The following BCAS3 variants were observed in gnomAD, a reference collection of about 807,000 sequenced individuals.
BCAS3 encodes BCAS3 microtubule associated cell migration factor, also known as BCAS4/BCAS3 fusion.
In BCAS3, 53 loss-of-function variants were observed where a neutral mutation model predicts 116.1. That is an observed-to-expected ratio of 0.46 (90% CI 0.37 to 0.57). The LOEUF is 0.57. Ranked by LOEUF, BCAS3 falls within the 20% of genes least tolerant of loss-of-function variation. BCAS3 has a pLI of 0.00. For synonymous variants in BCAS3, 391 were observed against 408.2 expected, an observed-to-expected ratio of 0.96 and a Z score of 0.51; for missense variants, 917 against 1,165.4, an observed-to-expected ratio of 0.79 and a Z score of 3.10.
Position 61,380,623 on chromosome 17 carries a change from T to C in BCAS3, c.2594-11354T>C. 6.4e-7 allele frequency: 1 copy of C among 1,554,926 alleles called. No individual in the cohort carries two copies. The highest frequency in any genetic ancestry group is 1.7e-5 in the Admixed American group (1 of 59,012). On this transcript the variant is annotated intron_variant, in intron 23 of 23. Coordinates refer to ENST00000407086, the MANE Select transcript of BCAS3 (RefSeq NM_017679.5). This position sits in a 1 kb window ranked among gnomAD's most constrained non-coding sequence, Gnocchi z 4.2. ...GTGGAAGGGGTTGTCCCGTTGCTTC[T>C]TTTGTCCCTCAAGAGGGTGCCCTCC... is the stretch of plus-strand genomic sequence containing the variant.
chr17:61,068,001 T>C lies in BCAS3; in HGVS notation c.2030-6919T>C, dbSNP rs966710804. On this transcript the variant is annotated intron_variant, in intron 19 of 23. Coordinates refer to ENST00000407086, the MANE Select transcript of BCAS3 (RefSeq NM_017679.5). The surrounding 1 kb of genome is among the most constrained non-coding windows in gnomAD (Gnocchi z 4.3). ...TGTATTCTCTAAAGTAAATTGATAG[T>C]ATTCCCTATTCAGTATTTTCCTTTT... 7.2e-5 allele frequency among the ~76,000 whole-genome samples: 11 copies of C among 152,174 alleles called. No individual in the cohort carries two copies. Among genetic ancestry groups the C allele is most frequent in the African/African-American group, 2.7e-4 (11 of 41,464 alleles).
intron 8 of BCAS3, among the ~76,000 whole-genome samples, chr17:60,873,167 G>C (rs1001810101): frequency 6.6e-6 from 1 of 151,768 alleles, no homozygotes. Flanking sequence ...TGTGTATTCA[G>C]AGTACACATA....
intron 6 of BCAS3, among the ~76,000 whole-genome samples, chr17:60,779,328 C>G (rs2045582367): frequency 1.3e-5 from 2 of 151,804 alleles, no homozygotes; most frequent in Middle Eastern, 3.5e-3. Context: ...TACCTTCAGG[C>G]TATATGTGTA....
At chr17:61,318,310 CTT>C (rs2054914074) in intron 22 of BCAS3, among the ~76,000 whole-genome samples, 1 of 152,230 alleles carries the variant, frequency 6.6e-6, no homozygotes, top group African/African-American at 2.4e-5. Context: ...AATTAACTGA[CTT>C]TTCTCAGTTG....
chr17:60,857,291 T>C (rs897108263), intron 7 of BCAS3, among the ~76,000 whole-genome samples: 1 of 152,220 alleles, frequency 6.6e-6, no homozygotes, highest in African/African-American at 2.4e-5. Context: ...GCCTCTGATA[T>C]TTGCTTACAG....
intron 22 of BCAS3, among the ~76,000 whole-genome samples, chr17:61,194,740 C>CA (rs35551914): frequency 0.74 from 90,289 of 122,702 alleles, 32,781 homozygotes; most frequent in South Asian, 0.83. Flanking sequence ...GACTCTGTCT[C>CA]AAAAAAAAAA....
chr17:60,705,747 C>G lies in BCAS3; in HGVS notation c.215-3472C>G, dbSNP rs368296955. Among the ~76,000 whole-genome samples, 3 of 152,246 alleles carry G rather than the reference C, an allele frequency of 2.0e-5. No individual in the cohort carries two copies. The South Asian group carries it at 6.2e-4, about 32-fold the overall frequency. On this transcript the variant is annotated intron_variant, in intron 4 of 23. Coordinates refer to ENST00000407086, the MANE Select transcript of BCAS3 (RefSeq NM_017679.5). Reference sequence around the variant, plus strand: ...TGCCAGAAGACTGATGTTAGACAGTCTGCCAGAAAGCTTCCAATTATTTAA... The same window carrying G: ...TGCCAGAAGACTGATGTTAGACAGTGTGCCAGAAAGCTTCCAATTATTTAA...
chr17:60,770,834 G>GC (rs1568213393), intron 6 of BCAS3, among the ~76,000 whole-genome samples: 1 of 76,728 alleles, frequency 1.3e-5, no homozygotes, highest in Non-Finnish European at 3.3e-5. Flanking sequence ...ACTGAAATTT[G>GC]TTTTTTTTTT....
At chr17:60,705,866 A>T (rs553629737) in intron 4 of BCAS3, among the ~76,000 whole-genome samples, 1 of 152,290 alleles carries the variant, frequency 6.6e-6, no homozygotes, top group African/African-American at 2.4e-5. Context: ...ACTGTATAGA[A>T]ACATTTTTAG....
intron 7 of BCAS3, among the ~76,000 whole-genome samples, chr17:60,847,982 A>G (rs547136734): frequency 2.0e-5 from 3 of 152,310 alleles, no homozygotes; most frequent in African/African-American, 7.2e-5. Flanking sequence ...GGTTAGAACT[A>G]TTTTGAGTTG....
In BCAS3 at chr17:61,376,807, A is replaced by T. The variant is rs2059361258; in HGVS notation, c.2593+8313A>T. Among the ~76,000 whole-genome samples, 1 of 152,154 alleles carries T rather than the reference A, an allele frequency of 6.6e-6. No individual in the cohort carries two copies. Among genetic ancestry groups the T allele is most frequent in the Non-Finnish European group, 1.5e-5 (1 of 68,018 alleles). Reference sequence around the variant, plus strand: ...GAACCTAGGGCTTTTCCTCTGCCTTATCTAATTGGGCCCTGGAGTTTTCCT... The same window carrying T: ...GAACCTAGGGCTTTTCCTCTGCCTTTTCTAATTGGGCCCTGGAGTTTTCCT... On this transcript the variant is annotated intron_variant, in intron 23 of 23. Coordinates refer to ENST00000407086, the MANE Select transcript of BCAS3 (RefSeq NM_017679.5). This position sits in a 1 kb window ranked among gnomAD's most constrained non-coding sequence, Gnocchi z 4.5.
In BCAS3 at chr17:60,995,384, C is replaced by G. The variant is rs1366904342; in HGVS notation, c.1486+5149C>G. Among the ~76,000 whole-genome samples the G allele has an allele frequency of 1.3e-5, 2 of 152,142 alleles. No homozygotes were observed. The highest frequency in any genetic ancestry group is 2.4e-5 in the African/African-American group (1 of 41,432). On this transcript the variant is annotated intron_variant, in intron 15 of 23. Transcript: ENST00000407086. This position sits in a 1 kb window ranked among gnomAD's most constrained non-coding sequence, Gnocchi z 4.7. ...GCCAGGCTGGTCTTGAACTCCTGAC[C>G]TCACCGTGAGTGAGTGATCTGCCCA...
intron 7 of BCAS3, among the ~76,000 whole-genome samples, chr17:60,813,037 C>A (rs772654848): frequency 6.6e-6 from 1 of 152,182 alleles, no homozygotes; most frequent in Admixed American, 6.5e-5. Context: ...GCCACCACAT[C>A]TGGTCCAATC....
chr17:60,877,300 A>T (rs1444192055), intron 9 of BCAS3, among the ~76,000 whole-genome samples: 1 of 152,106 alleles, frequency 6.6e-6, no homozygotes, highest in East Asian at 1.9e-4. Context: ...TTAGAAAATT[A>T]TGTCTTCATA....
At chr17:60,986,985 A>G (rs955379243) in intron 14 of BCAS3, 17 of 152,058 alleles carry the variant, frequency 1.1e-4, no homozygotes, top group African/African-American at 4.1e-4. Context: ...TAAGTTTTTA[A>G]TCCATTTTGA....
At chr17:61,067,739 A>AT (rs201506392) in intron 19 of BCAS3, among the ~76,000 whole-genome samples, 41 of 143,644 alleles carry the variant, frequency 2.9e-4, no homozygotes, top group South Asian at 1.5e-3. Flanking sequence ...AAAAAAAAAA[A>AT]AATATATATA....
intron 22 of BCAS3, among the ~76,000 whole-genome samples, chr17:61,099,317 T>G (rs901363052): frequency 1.3e-5 from 2 of 152,162 alleles, no homozygotes; most frequent in African/African-American, 4.8e-5. Context: ...GATATCTGAT[T>G]AATAATGATA....
Position 61,233,992 on chromosome 17 carries a change from T to TC in BCAS3, c.2426-134334dup, listed in dbSNP as rs1183503285. ...ATATCAGGTTTGGTTTTTTTTTTTT[T>TC]CACTTAGTACCCACATCATGGAGCA... is the stretch of plus-strand genomic sequence containing the variant. On this transcript the variant is annotated intron_variant, in intron 22 of 23. Transcript: ENST00000407086. This position sits in a 1 kb window ranked among gnomAD's most constrained non-coding sequence, Gnocchi z 4.3. Among the ~76,000 whole-genome samples the TC allele has an allele frequency of 6.6e-6, 1 of 152,012 alleles. No individual in the cohort carries two copies. Among genetic ancestry groups the TC allele is most frequent in the Non-Finnish European group, 1.5e-5 (1 of 68,002 alleles).
intron 6 of BCAS3, among the ~76,000 whole-genome samples, chr17:60,799,693 T>A (rs944536668): frequency 7.1e-6 from 1 of 141,558 alleles, no homozygotes; most frequent in Non-Finnish European, 1.5e-5. Flanking sequence ...TACGCCTGGC[T>A]AATTTTTTTC....
Sources: allele counts gnomAD v4.1 joint callset (sites outside exome capture counted in the v4.1 genomes callset), GRCh38; gene constraint gnomAD v4.1.1; non-coding constraint Gnocchi (gnomAD v3.1); transcripts MANE v1.5; gene names NCBI Gene and HGNC (gene_info 2026-07-23, HGNC 2026-07-21).